Variants in NEDD9 observed in about 807,000 individuals in gnomAD.
NEDD9 encodes the protein neural precursor cell expressed, developmentally down-regulated 9, also known as enhancer of filamentation 1.
NEDD9 carries 26 observed loss-of-function variants against 76.6 expected under a neutral mutation model. The ratio of observed to expected loss-of-function variants is 0.34; its 90% CI spans 0.25 to 0.47. NEDD9 has a LOEUF of 0.47. NEDD9 is among the 20% of genes least tolerant of loss of function. The pLI, the probability that NEDD9 is intolerant of heterozygous loss-of-function variation, is 1.00. For missense variants in NEDD9, 937 were observed against 1,058.5 expected (o/e 0.89, Z 1.59); for synonymous variants, 392 against 414.2 (o/e 0.95, Z 0.65).
chr6:11,212,565 T>C (rs967494224), intron 2 of NEDD9, among the ~76,000 whole-genome samples: 7 of 152,208 alleles, frequency 4.6e-5, no homozygotes, highest in African/African-American at 1.7e-4. Flanking sequence ...CTAAAGTATT[T>C]GGGATTACAC....
chr6:11,207,277 A>G (rs1258663034), intron 2 of NEDD9, among the ~76,000 whole-genome samples: 1 of 152,236 alleles, frequency 6.6e-6, no homozygotes, highest in Non-Finnish European at 1.5e-5. Flanking sequence ...GGGCAACCAG[A>G]TTGCACAATG....
intron 1 of NEDD9, among the ~76,000 whole-genome samples, chr6:11,378,756 A>C (rs7775262): frequency 0.63 from 96,137 of 152,066 alleles, 30,877 homozygotes; most frequent in East Asian, 0.82. Context: ...AAAAAAATTT[A>C]TCATTCATTG....
intron 1 of NEDD9, among the ~76,000 whole-genome samples, chr6:11,349,587 G>T (rs138435149): frequency 1.9e-3 from 286 of 152,328 alleles, no homozygotes; most frequent in Middle Eastern, 6.8e-3. Flanking sequence ...ACGCTATGCA[G>T]CCATATTAAA....
intron 5 of NEDD9, among the ~76,000 whole-genome samples, chr6:11,188,870 A>G (rs1581941193): frequency 6.6e-6 from 1 of 152,048 alleles, no homozygotes; most frequent in East Asian, 1.9e-4. Flanking sequence ...TCTCAGTATA[A>G]TCTGTGACTC....
chr6:11,275,715 G>C (rs1004874645), intron 3 of NEDD9, among the ~76,000 whole-genome samples: 1 of 152,204 alleles, frequency 6.6e-6, no homozygotes, highest in Non-Finnish European at 1.5e-5. Context: ...AGCAAACAGA[G>C]CAGGTGTGAC....
intron 1 of NEDD9, among the ~76,000 whole-genome samples, chr6:11,340,392 G>A (rs113838925): frequency 2.0e-5 from 3 of 152,088 alleles, no homozygotes; most frequent in African/African-American, 7.2e-5. Context: ...TTTGTAGAAC[G>A]CTTACTTCAT....
upstream of NEDD9, chr6:11,233,606 T>C: frequency 2.0e-6 from 1 of 492,768 alleles, no homozygotes; most frequent in Non-Finnish European, 4.1e-6. Flanking sequence ...AAATGCCCAC[T>C]GTTTGATGAG....
chr6:11,346,481 C>A (rs1480959129), intron 1 of NEDD9, among the ~76,000 whole-genome samples: 2 of 151,586 alleles, frequency 1.3e-5, no homozygotes, highest in Non-Finnish European at 2.9e-5. Context: ...TCGGAGGCCC[C>A]CCCCCCCGAG....
chr6:11,319,581 C>T (rs1431474393), intron 2 of NEDD9, among the ~76,000 whole-genome samples: 1 of 147,156 alleles, frequency 6.8e-6, no homozygotes, highest in East Asian at 2.0e-4. Context: ...AATATGCACT[C>T]ACACTAACGC....
chr6:11,367,695 G>A (rs1017630028), intron 1 of NEDD9, among the ~76,000 whole-genome samples: 1 of 152,158 alleles, frequency 6.6e-6, no homozygotes, highest in Non-Finnish European at 1.5e-5. Context: ...ATTTTTAGTG[G>A]AAAGTTTTGT....
At chr6:11,377,582 A>G (rs1456108895) in intron 1 of NEDD9, among the ~76,000 whole-genome samples, 2 of 152,210 alleles carry the variant, frequency 1.3e-5, no homozygotes, top group Non-Finnish European at 2.9e-5. Flanking sequence ...CAATATCTGT[A>G]CCATCATTGT....
chr6:11,312,278 C>G (rs887740309), intron 2 of NEDD9, among the ~76,000 whole-genome samples: 3 of 152,176 alleles, frequency 2.0e-5, no homozygotes, highest in African/African-American at 7.2e-5. Flanking sequence ...ATGGCACCAC[C>G]ACCCACACTA....
At chr6:11,269,007 T>C (rs2113338636) in intron 3 of NEDD9, among the ~76,000 whole-genome samples, 1 of 152,310 alleles carries the variant, frequency 6.6e-6, no homozygotes, top group South Asian at 2.1e-4. Context: ...AAAAGTGCTA[T>C]TTTCCTCTCG....
intron 2 of NEDD9, among the ~76,000 whole-genome samples, chr6:11,204,535 C>T (rs1264616871): frequency 1.3e-5 from 2 of 151,894 alleles, no homozygotes. Flanking sequence ...GCCTTGCCAA[C>T]GTAGTGAAAC....
chr6:11,213,754 C>A lies in NEDD9; in HGVS notation c.13-27G>T, dbSNP rs112865201. The A allele has an allele frequency of 3.1e-6, 5 of 1,607,588 alleles. No homozygotes were observed. The East Asian group carries it at 8.9e-5, about 29-fold the overall frequency. On this transcript the variant is annotated intron_variant, in intron 1 of 6. Transcript: ENST00000379446. The surrounding 1 kb of genome is among the most constrained non-coding windows in gnomAD (Gnocchi z 5.4). ...TAGGAGGGAAGGAAGAGAAGGAAAC[C>A]GTGTTAGAATATTGGGTCGGTCCCT... is the stretch of plus-strand genomic sequence containing the variant.
chr6:11,314,620 T>C (rs375167855), intron 2 of NEDD9, among the ~76,000 whole-genome samples: 1 of 152,186 alleles, frequency 6.6e-6, no homozygotes, highest in Non-Finnish European at 1.5e-5. Context: ...TTGTGGACCA[T>C]CCAGTCTATG....
intron 3 of NEDD9, among the ~76,000 whole-genome samples, chr6:11,278,950 T>G (rs75290186): frequency 0.054 from 8,220 of 151,910 alleles, 225 homozygotes; most frequent in Middle Eastern, 0.14. Context: ...GGGAAAAAGG[T>G]TCTGATCTGG....
At chr6:11,340,707 A>G (rs1762256902) in intron 1 of NEDD9, among the ~76,000 whole-genome samples, 1 of 152,228 alleles carries the variant, frequency 6.6e-6, no homozygotes, top group Non-Finnish European at 1.5e-5. Context: ...AATTTTAATT[A>G]GATTTGCAAG....
At chr6:11,332,784 G>C (rs1230581417) in intron 2 of NEDD9, among the ~76,000 whole-genome samples, 1 of 152,204 alleles carries the variant, frequency 6.6e-6, no homozygotes, top group Non-Finnish European at 1.5e-5. Context: ...CCAGGCACAA[G>C]TGGAGCAGAG....
Sources: gnomAD v4.1 joint callset for allele counts (sites outside exome capture counted in the v4.1 genomes callset) on GRCh38, gnomAD v4.1.1 for gene constraint, Gnocchi (gnomAD v3.1) non-coding constraint, MANE v1.5 for transcripts, NCBI Gene and HGNC (gene_info 2026-07-23, HGNC 2026-07-21) for gene names.